The following MAML3 variants were observed in gnomAD, a reference collection of about 807,000 sequenced individuals.
MAML3 encodes the protein mastermind like transcriptional coactivator 3.
Under a neutral mutation model 101.9 loss-of-function variants are expected in MAML3, and 27 were observed. That is an observed-to-expected ratio of 0.27 (90% CI 0.20 to 0.37). MAML3 has a LOEUF of 0.37. MAML3 is among the 10% of genes least tolerant of loss of function. MAML3 has a pLI of 1.00. For synonymous variants in MAML3, 501 were observed against 555.9 expected (o/e 0.90, Z 1.39); for missense variants, 1,316 against 1,444.9 (o/e 0.91, Z 1.45).
chr4:140,134,147 G>C (rs1480006752), intron 1 of MAML3: 1 of 456,606 alleles, frequency 2.2e-6, no homozygotes. Flanking sequence ...GTCTTTTGTG[G>C]CTCATTATCT....
chr4:139,885,630 A>G (rs1159906980), intron 2 of MAML3, among the ~76,000 whole-genome samples: 2 of 146,076 alleles, frequency 1.4e-5, no homozygotes. Flanking sequence ...TTTTAAAACA[A>G]AAAAAAAAGT....
chr4:139,794,651 C>G (rs1354501367), intron 2 of MAML3, among the ~76,000 whole-genome samples: 1 of 152,212 alleles, frequency 6.6e-6, no homozygotes, highest in Non-Finnish European at 1.5e-5. Flanking sequence ...AGCTCTTGTC[C>G]AGTTTTCAAA....
At chr4:139,940,006 C>T (rs751170333) in intron 1 of MAML3, among the ~76,000 whole-genome samples, 3 of 152,050 alleles carry the variant, frequency 2.0e-5, no homozygotes, top group Non-Finnish European at 2.9e-5. Context: ...CCTTGTGATT[C>T]GTCCACCTCG....
At chr4:140,141,004 C>T (rs1481919801) in intron 1 of MAML3, among the ~76,000 whole-genome samples, 1 of 152,130 alleles carries the variant, frequency 6.6e-6, no homozygotes, top group Non-Finnish European at 1.5e-5. Flanking sequence ...CTGCTCTTTG[C>T]CAAAACACGG....
At chr4:140,107,935 A>G (rs1728379715) in intron 1 of MAML3, among the ~76,000 whole-genome samples, 1 of 152,062 alleles carries the variant, frequency 6.6e-6, no homozygotes, top group East Asian at 1.9e-4. Context: ...GGGGAAGAAA[A>G]AAACAAAACA....
At chr4:139,831,410 C>T (rs1295771824) in intron 2 of MAML3, among the ~76,000 whole-genome samples, 1 of 152,112 alleles carries the variant, frequency 6.6e-6, no homozygotes, top group African/African-American at 2.4e-5. Flanking sequence ...ACACCAAGTG[C>T]CAAACTCAAA....
chr4:139,732,698 AG>A lies in MAML3; in HGVS notation c.2080-2032del, dbSNP rs199776280. Among the ~76,000 whole-genome samples the A allele has an allele frequency of 7.3e-3, 1,111 of 152,196 alleles. 10 individuals carry two copies. The highest frequency in any genetic ancestry group is 0.024 in the African/African-American group (1,004 of 41,538). ...GTGGTATTTGGTTACATGAGTAAGC[AG>A]AACGCTGATTTTGATTCTCAATTCA... On this transcript the variant is annotated intron_variant, in intron 2 of 4. Coordinates refer to ENST00000509479, the MANE Select transcript of MAML3 (RefSeq NM_018717.5).
intron 1 of MAML3, among the ~76,000 whole-genome samples, chr4:139,932,469 A>G (rs955610627): frequency 6.6e-6 from 1 of 152,196 alleles, no homozygotes; most frequent in African/African-American, 2.4e-5. Context: ...GATAAGGCTT[A>G]TTTGCAATTA....
intron 1 of MAML3, among the ~76,000 whole-genome samples, chr4:140,142,225 G>A (rs1279504219): frequency 6.6e-6 from 1 of 152,070 alleles, no homozygotes; most frequent in African/African-American, 2.4e-5. Flanking sequence ...TAGAAAAAAT[G>A]AATATGTGAT....
intron 2 of MAML3, chr4:139,888,682 A>T (rs552225912): frequency 1.9e-6 from 1 of 518,542 alleles, no homozygotes; most frequent in East Asian, 5.4e-5. Flanking sequence ...TACAGCACTA[A>T]GATATATTCA....
intron 4 of MAML3, among the ~76,000 whole-genome samples, chr4:139,722,962 A>T (rs1237769889): frequency 6.6e-6 from 1 of 152,266 alleles, no homozygotes; most frequent in Non-Finnish European, 1.5e-5. Flanking sequence ...GGCTTTACTG[A>T]TAGTATTCTC....
At chr4:139,814,025 AACACACAC>A (rs70943442) in intron 2 of MAML3, among the ~76,000 whole-genome samples, 3 of 145,028 alleles carry the variant, frequency 2.1e-5, no homozygotes, top group African/African-American at 2.6e-5. Context: ...CACAAACACA[AACACACAC>A]ACACACACAC....
intron 1 of MAML3, among the ~76,000 whole-genome samples, chr4:139,960,924 A>T (rs1734000527): frequency 6.6e-6 from 1 of 152,180 alleles, no homozygotes; most frequent in South Asian, 2.1e-4. Context: ...GTCAACAGTA[A>T]CCCAGGTGAC....
intron 2 of MAML3, among the ~76,000 whole-genome samples, chr4:139,779,258 T>C (rs538126876): frequency 5.5e-4 from 83 of 152,282 alleles, no homozygotes; most frequent in Non-Finnish European, 1.1e-3. Context: ...GCTCTATAAA[T>C]GCTAATGATT....
At chr4:139,851,478 C>A (rs1294772064) in intron 2 of MAML3, among the ~76,000 whole-genome samples, 1 of 152,224 alleles carries the variant, frequency 6.6e-6, no homozygotes, top group African/African-American at 2.4e-5. Context: ...AGAGAAACAG[C>A]AACCAAATTG....
At chr4:139,803,086 C>A (rs1316325780) in intron 2 of MAML3, among the ~76,000 whole-genome samples, 1 of 152,028 alleles carries the variant, frequency 6.6e-6, no homozygotes, top group Non-Finnish European at 1.5e-5. Flanking sequence ...AAGTGGTGAA[C>A]CCTCCATGAG....
At chr4:139,833,905 T>A (rs1199329194) in intron 2 of MAML3, among the ~76,000 whole-genome samples, 6 of 151,944 alleles carry the variant, frequency 3.9e-5, no homozygotes, top group Non-Finnish European at 7.4e-5. Context: ...TTTAATAGAT[T>A]GTGCTTAGGC....
intron 1 of MAML3, among the ~76,000 whole-genome samples, chr4:140,004,517 C>T (rs1726408667): frequency 6.6e-6 from 1 of 151,874 alleles, no homozygotes; most frequent in African/African-American, 2.4e-5. Context: ...ATCACAAAAC[C>T]AGTAAGAAAG....
chr4:139,758,351 C>G (rs867680966), intron 2 of MAML3, among the ~76,000 whole-genome samples: 1 of 152,160 alleles, frequency 6.6e-6, no homozygotes, highest in Admixed American at 6.5e-5. Flanking sequence ...AGGAAGAAAA[C>G]CAAGGAGTCA....
Sources: allele counts gnomAD v4.1 joint callset (sites outside exome capture counted in the v4.1 genomes callset), GRCh38; gene constraint gnomAD v4.1.1; transcripts MANE v1.5; gene names NCBI Gene and HGNC (gene_info 2026-07-23, HGNC 2026-07-21).